The following PLET1 variants were observed in gnomAD, a reference collection of about 807,000 sequenced individuals.
PLET1 encodes placenta expressed transcript 1, also known as placenta-expressed transcript 1 protein.
PLET1 carries 20 observed loss-of-function variants against 18.5 expected under a neutral mutation model. The ratio of observed to expected loss-of-function variants is 1.08; its 90% CI spans 0.76 to 1.57. PLET1 has a LOEUF of 1.57. Ranked by LOEUF, PLET1 falls within the 40% of genes most tolerant of loss-of-function variation. PLET1 has a pLI of 0.00. For synonymous variants in PLET1, 93 were observed against 93.8 expected, an observed-to-expected ratio of 0.99 and a Z score of 0.05; for missense variants, 256 against 246.4, an observed-to-expected ratio of 1.04 and a Z score of -0.26.
At position 112,260,806 on chromosome 11, in the gene PLET1, G is replaced by A. The variant is rs867812553; in HGVS notation, c.-217C>T. On this transcript the variant is annotated 5_prime_UTR_variant, in exon 1 of 4. Transcript: ENST00000338832. ...GTCACCGATGATTTTGCAAATTGCA[G>A]TTTTGCTCAAGAAAGGGAATGTCCT... 9.5e-6 allele frequency: 5 copies of A among 525,792 alleles called. No individual in the cohort carries two copies. Among genetic ancestry groups the A allele is most frequent in the Middle Eastern group, 4.9e-4 (1 of 2,032 alleles). 32.6% of individuals were successfully genotyped at this position (525,792 alleles called of 1,614,324 possible). A position where few individuals can be genotyped will look rare whatever the true frequency, so the allele number is the denominator to read the frequency against.
intron 3 of PLET1, among the ~76,000 whole-genome samples, 165 bp from the exon 4 acceptor site, chr11:112,249,139 G>C (rs1211204894): frequency 2.0e-5 from 3 of 152,136 alleles, no homozygotes; most frequent in African/African-American, 7.2e-5. Flanking sequence ...TGTTTTCAGA[G>C]GAGGGGAAAA....
intron 2 of PLET1, among the ~76,000 whole-genome samples, chr11:112,253,673 G>A (rs1385864960): frequency 1.3e-5 from 2 of 152,226 alleles, no homozygotes; most frequent in African/African-American, 2.4e-5. Context: ...AAGCTGGATT[G>A]TAGTAGCTCC....
In PLET1 at chr11:112,249,093, T is replaced by C. The variant is rs931133660; in HGVS notation, c.449-119A>G. ...TGATGGAATGCTAGAGCCAGATTCATGAGCAAAATTCAATCAACCCTTCTC... is the reference window on the plus strand; with the variant it reads ...TGATGGAATGCTAGAGCCAGATTCACGAGCAAAATTCAATCAACCCTTCTC... On this transcript the variant is annotated intron_variant, in intron 3 of 3. Transcript: ENST00000338832. 6 of 933,950 alleles carry C rather than the reference T, an allele frequency of 6.4e-6. No homozygotes were observed. In the African/African-American group the frequency reaches 6.7e-5, roughly 10 times the overall value. The allele number at this position is 933,950 out of a possible 1,614,324, so 57.9% of individuals were successfully genotyped here.
At chr11:112,249,183 A>G (rs1252080534) in intron 3 of PLET1, among the ~76,000 whole-genome samples, 3 of 152,210 alleles carry the variant, frequency 2.0e-5, no homozygotes, top group Non-Finnish European at 4.4e-5. Context: ...TAAGTAACAA[A>G]AATAAGGAAG....
chr11:112,260,223 A>G, intron 1 of PLET1, 183 bp downstream of exon 1: 1 of 619,450 alleles, frequency 1.6e-6, no homozygotes, highest in Non-Finnish European at 2.6e-6. Context: ...AGGAATTTGC[A>G]GAAATAGCCC....
chr11:112,250,464 A>G (rs1233533358), intron 3 of PLET1, among the ~76,000 whole-genome samples: 1 of 152,130 alleles, frequency 6.6e-6, no homozygotes, highest in Non-Finnish European at 1.5e-5. Flanking sequence ...TTGACAATAT[A>G]TGCTTTCAAG....
At chr11:112,255,683 C>A in intron 1 of PLET1, 94 bp from the exon 2 acceptor site, 1 of 1,115,226 alleles carries the variant, frequency 9.0e-7, no homozygotes, top group Non-Finnish European at 1.3e-6. Flanking sequence ...AAGCGTGAAA[C>A]AAGAAAGTTA....
chr11:112,256,566 C>G (rs1203676315), intron 1 of PLET1, among the ~76,000 whole-genome samples: 1 of 152,150 alleles, frequency 6.6e-6, no homozygotes, highest in Non-Finnish European at 1.5e-5. Context: ...ATGATGTTAT[C>G]CTTCATTATC....
chr11:112,258,181 A>G (rs1297996356), intron 1 of PLET1, among the ~76,000 whole-genome samples: 1 of 151,812 alleles, frequency 6.6e-6, no homozygotes, highest in Non-Finnish European at 1.5e-5. Context: ...CCTTCACCCC[A>G]GTGGATCATG....
In PLET1 at chr11:112,248,993, G is replaced by T. The variant is rs969192288; in HGVS notation, c.449-19C>A. ...GTTGACACTGGAAAGGTGGTTGAGG[G>T]TGCGGTTGGCACTGGAAAATGGCAT... On this transcript the variant is annotated intron_variant, in intron 3 of 3. Transcript: ENST00000338832. 1.3e-6 allele frequency: 2 copies of T among 1,548,362 alleles called. No homozygotes were observed. The highest frequency in any genetic ancestry group is 8.7e-7 in the Non-Finnish European group (1 of 1,145,830).
intron 1 of PLET1, chr11:112,260,182 G>A (rs1291771134): frequency 1.6e-5 from 8 of 492,162 alleles, no homozygotes; most frequent in African/African-American, 7.7e-5. Flanking sequence ...CTGGGGTTGG[G>A]GCTTTCTCGC....
intron 2 of PLET1, among the ~76,000 whole-genome samples, chr11:112,254,634 GT>G (rs1257348312): frequency 4.3e-5 from 3 of 69,328 alleles, no homozygotes; most frequent in Admixed American, 3.4e-4. Flanking sequence ...GTATGAGTGT[GT>G]GTGGTGTGTG....
intron 2 of PLET1, among the ~76,000 whole-genome samples, chr11:112,254,510 GGT>G (rs541073990): frequency 0.022 from 3,108 of 142,346 alleles, 125 homozygotes; most frequent in African/African-American, 0.08. Context: ...GAGTGTGTGT[GGT>G]GTGTGTGGTA....
Position 112,255,594 on chromosome 11 carries a change from G to A in PLET1, c.185-5C>T. On this transcript the variant is annotated splice_region_variant and splice_polypyrimidine_tract_variant and intron_variant, in intron 1 of 3. Transcript: ENST00000338832. The stretch of plus-strand genomic sequence containing the variant: ...TGTCATTCACGGGAACAAATACTGG[G>A]AGGAAATGATGAAGAAGCAATCAGC... 1 of 1,550,334 alleles carries A rather than the reference G, an allele frequency of 6.5e-7. No homozygotes were observed. The highest frequency in any genetic ancestry group is 2.4e-5 in the East Asian group (1 of 40,916).
In PLET1 at chr11:112,254,190, G is replaced by GGTGTGTGTGTGTGT. The variant is rs60070587; in HGVS notation, c.386+1184_386+1197dup. 2.1e-3 allele frequency among the ~76,000 whole-genome samples: 295 copies of GGTGTGTGTGTGTGT among 141,250 alleles called. 1 individual carries two copies. Among genetic ancestry groups the GGTGTGTGTGTGTGT allele is most frequent in the Middle Eastern group, 0.011 (3 of 284 alleles). The allele number at this position is 141,250 out of a possible 152,430, so 92.7% of individuals were successfully genotyped here. The stretch of plus-strand genomic sequence containing the variant: ...CTTTCTGAGGATGTTGAGCATAAGT[G>GGTGTGTGTGTGTGT]GTGTGTGTGTGTGTGTGTGTGTGTG... On this transcript the variant is annotated intron_variant, in intron 2 of 3. Coordinates refer to ENST00000338832, the MANE Select transcript of PLET1 (RefSeq NM_001145024.1).
intron 1 of PLET1, among the ~76,000 whole-genome samples, chr11:112,257,423 TTGTGCTA>T (rs1346232919): frequency 1.3e-5 from 2 of 152,150 alleles, no homozygotes; most frequent in African/African-American, 4.8e-5. Context: ...ACTTTGTGCT[TTGTGCTA>T]TGTGCTGTGG....
intron 1 of PLET1, among the ~76,000 whole-genome samples, chr11:112,256,581 A>G (rs1372031473): frequency 1.3e-5 from 2 of 152,242 alleles, no homozygotes; most frequent in Non-Finnish European, 2.9e-5. Flanking sequence ...ATTATCTGAG[A>G]TCATGATACC....
At chr11:112,249,171 G>A (rs1860130461) in intron 3 of PLET1, among the ~76,000 whole-genome samples, 197 bp from the exon 4 acceptor site, 1 of 152,156 alleles carries the variant, frequency 6.6e-6, no homozygotes, top group African/African-American at 2.4e-5. Flanking sequence ...AACACACAGG[G>A]TTAAGTAACA....
At chr11:112,250,160 CT>C (rs1193347864) in intron 3 of PLET1, among the ~76,000 whole-genome samples, 22 of 81,248 alleles carry the variant, frequency 2.7e-4, no homozygotes, top group Admixed American at 5.5e-4. Flanking sequence ...CTTTCTTTTT[CT>C]TTTTTTTTTA....
Sources: allele counts gnomAD v4.1 joint callset (sites outside exome capture counted in the v4.1 genomes callset), GRCh38; gene constraint gnomAD v4.1.1; transcripts MANE v1.5; gene names NCBI Gene and HGNC (gene_info 2026-07-23, HGNC 2026-07-21).